The following CCDC146 variants were observed in gnomAD, a reference collection of about 807,000 sequenced individuals.
The protein encoded by CCDC146 is coiled-coil domain-containing protein 146.
In CCDC146, 92 loss-of-function variants were observed where a neutral mutation model predicts 119.3. The observed-to-expected ratio is 0.77, with a 90% CI of 0.65 to 0.92. The LOEUF is 0.92. Ranked by LOEUF, CCDC146 falls within the 40% of genes least tolerant of loss-of-function variation. The probability of loss-of-function intolerance (pLI) is 0.00; values close to 1 mark genes in which losing one functional copy is unlikely to be tolerated. For synonymous variants in CCDC146, 372 were observed against 371.8 expected, an observed-to-expected ratio of 1.00 and a Z score of -0.01; for missense variants, 1,000 against 1,103.0, an observed-to-expected ratio of 0.91 and a Z score of 1.32.
intron 7 of CCDC146, 182 bp from the exon 8 acceptor site, chr7:77,259,827 C>A: frequency 1.8e-6 from 1 of 543,748 alleles, no homozygotes; most frequent in Non-Finnish European, 3.2e-6. Flanking sequence ...CCAAGTCCCA[C>A]CCATCTGTGG....
chr7:77,190,880 A>G (rs757457439), intron 2 of CCDC146, among the ~76,000 whole-genome samples: 19 of 152,332 alleles, frequency 1.2e-4, no homozygotes, highest in Non-Finnish European at 2.4e-4. Context: ...TTAAAAAATT[A>G]AAGGATTCAT....
intron 3 of CCDC146, among the ~76,000 whole-genome samples, chr7:77,239,823 G>A (rs1792810551): frequency 6.6e-6 from 1 of 152,114 alleles, no homozygotes. Flanking sequence ...TGGAGATTCC[G>A]CCATGTCCTT....
chr7:77,266,006 A>G (rs1383525795), intron 9 of CCDC146, among the ~76,000 whole-genome samples: 2 of 152,214 alleles, frequency 1.3e-5, no homozygotes, highest in Non-Finnish European at 2.9e-5. Flanking sequence ...CTGTCATGTA[A>G]TATCACACAT....
In CCDC146 at chr7:77,151,357, G is replaced by T. The variant is rs192199363; in HGVS notation, c.-11-16301G>T. Reference sequence around the variant, plus strand: ...AATTCTAGAAAAGGCAAAACTACTGGTGGTTATCATGTGCCAGTGAGCGAG... The same window carrying T: ...AATTCTAGAAAAGGCAAAACTACTGTTGGTTATCATGTGCCAGTGAGCGAG... On this transcript the variant is annotated intron_variant, in intron 1 of 18. Transcript: ENST00000285871. Among the ~76,000 whole-genome samples the T allele has an allele frequency of 6.6e-5, 10 of 152,162 alleles. No individual in the cohort carries two copies. The East Asian group carries it at 1.9e-3, about 29-fold the overall frequency.
chr7:77,216,018 CT>C (rs975032853), intron 2 of CCDC146, among the ~76,000 whole-genome samples: 1 of 152,000 alleles, frequency 6.6e-6, no homozygotes, highest in Non-Finnish European at 1.5e-5. Flanking sequence ...TGTTTCCTCC[CT>C]TTTCCTGTAA....
Position 77,273,772 on chromosome 7 carries a change from A to G in CCDC146, c.1252A>G (p.Arg418Gly), listed in dbSNP as rs569261468. 22 of 1,610,528 alleles carry G rather than the reference A, an allele frequency of 1.4e-5. No individual in the cohort carries two copies. In the African/African-American group the frequency reaches 2.0e-4, roughly 15 times the overall value. ...TCACAAGGAAGTTGAAGTAGCTAAG[A>G]GGAATTTGGCCCAACAGGTTAATAT... Reference protein sequence around the residue: ...ELHKEVEVAKRNLAQQKIISE... With the variant: ...ELHKEVEVAKGNLAQQKIISE... Residue 418 changes from arginine (R) to glycine (G), a missense_variant, in exon 10 of 19, where the codon AGG becomes GGG. This residue lies in a region of CCDC146 where 985 missense variants were observed against 1,045.3 expected (regional missense o/e 0.94). Transcript: ENST00000285871.
chr7:77,250,172 A>T lies in CCDC146; in HGVS notation c.450-4334A>T, dbSNP rs1181174501. Among the ~76,000 whole-genome samples the T allele has an allele frequency of 2.6e-5, 4 of 152,366 alleles. No homozygotes were observed. The East Asian group carries it at 7.7e-4, about 29-fold the overall frequency. On this transcript the variant is annotated intron_variant, in intron 4 of 18. Coordinates refer to ENST00000285871, the MANE Select transcript of CCDC146 (RefSeq NM_020879.3). ...TGGGCATACATAAATATATATGCATATGTAATTGAATACATTGCTGCTGTT... is the reference window on the plus strand; with the variant it reads ...TGGGCATACATAAATATATATGCATTTGTAATTGAATACATTGCTGCTGTT...
chr7:77,250,518 A>G (rs779034891), intron 4 of CCDC146, among the ~76,000 whole-genome samples: 6 of 152,190 alleles, frequency 3.9e-5, no homozygotes, highest in African/African-American at 1.2e-4. Flanking sequence ...TCTTGCATGT[A>G]TGGCTTCTGA....
Position 77,134,352 on chromosome 7 carries a change from CAGTT to C in CCDC146, c.-12+11623_-12+11626del, listed in dbSNP as rs151209592. ...AGAAAATTGAATCATATAAAATGCTCAGTTAGAACCACAAAACAGAAAAAGAGTG... is the reference window on the plus strand; with the variant it reads ...AGAAAATTGAATCATATAAAATGCTCAGAACCACAAAACAGAAAAAGAGTG... On this transcript the variant is annotated intron_variant, in intron 1 of 18. Transcript: ENST00000285871. Among the ~76,000 whole-genome samples the C allele has an allele frequency of 7.1e-3, 1,076 of 152,014 alleles. 55 individuals carry two copies. In the East Asian group the frequency reaches 0.14, roughly 20 times the overall value.
At chr7:77,138,738 A>G (rs1310645752) in intron 1 of CCDC146, among the ~76,000 whole-genome samples, 1 of 152,250 alleles carries the variant, frequency 6.6e-6, no homozygotes, top group Non-Finnish European at 1.5e-5. Context: ...TCACCAAAGA[A>G]GATATACAAA....
intron 2 of CCDC146, among the ~76,000 whole-genome samples, chr7:77,214,032 A>G (rs1237249445): frequency 6.6e-6 from 1 of 152,128 alleles, no homozygotes; most frequent in Non-Finnish European, 1.5e-5. Context: ...TTCTTTGAAA[A>G]ATTTCCATGC....
Position 77,293,435 on chromosome 7 carries a change from A to C in CCDC146, c.2664+235A>C, listed in dbSNP as rs140299765. Among the ~76,000 whole-genome samples, 210 of 152,352 alleles carry C rather than the reference A, an allele frequency of 1.4e-3. 1 individual carries two copies. The highest frequency in any genetic ancestry group is 4.7e-3 in the African/African-American group (197 of 41,588). ...AGCACAGGGCCCACCCCATAGCCTTACATCCTGGGCTGCTGAGGCTGAACA... is the reference window on the plus strand; with the variant it reads ...AGCACAGGGCCCACCCCATAGCCTTCCATCCTGGGCTGCTGAGGCTGAACA... On this transcript the variant is annotated intron_variant, in intron 18 of 18. Coordinates refer to ENST00000285871, the MANE Select transcript of CCDC146 (RefSeq NM_020879.3).
chr7:77,192,022 G>A (rs1265805826), intron 2 of CCDC146, among the ~76,000 whole-genome samples: 1 of 151,702 alleles, frequency 6.6e-6, no homozygotes, highest in African/African-American at 2.4e-5. Flanking sequence ...TGTCTGCCAG[G>A]TTCAAGCAAT....
chr7:77,284,438 G>T (rs559926613), intron 15 of CCDC146, among the ~76,000 whole-genome samples: 2 of 151,666 alleles, frequency 1.3e-5, no homozygotes, highest in Non-Finnish European at 2.9e-5. Flanking sequence ...AGAAGAATTT[G>T]TCTCTCTCCA....
intron 2 of CCDC146, among the ~76,000 whole-genome samples, chr7:77,201,324 C>T (rs1791983275): frequency 6.6e-6 from 1 of 151,644 alleles, no homozygotes; most frequent in African/African-American, 2.4e-5. Flanking sequence ...TGTGGATCAC[C>T]TGAGATCAGG....
chr7:77,245,756 T>C (rs773893075), intron 4 of CCDC146, among the ~76,000 whole-genome samples: 3 of 152,002 alleles, frequency 2.0e-5, no homozygotes, highest in Admixed American at 6.6e-5. Flanking sequence ...GGAGGAATGA[T>C]CTTAGCAACA....
intron 1 of CCDC146, among the ~76,000 whole-genome samples, chr7:77,134,898 G>C (rs1411672338): frequency 1.3e-5 from 2 of 152,156 alleles, no homozygotes; most frequent in African/African-American, 4.8e-5. Flanking sequence ...AATTCATAAA[G>C]TATGTGATAA....
intron 1 of CCDC146, 109 bp downstream of exon 1, chr7:77,122,841 G>A (rs1408547175): frequency 6.5e-6 from 1 of 153,426 alleles, no homozygotes; most frequent in African/African-American, 2.4e-5. Context: ...TCCAGGGCAT[G>A]GAGAATGCCT....
intron 2 of CCDC146, chr7:77,199,467 T>C: frequency 6.2e-7 from 1 of 1,614,152 alleles, no homozygotes; most frequent in Admixed American, 1.7e-5. Flanking sequence ...CGTTTCTGCC[T>C]GGGTCTCCGT....
Sources: gnomAD v4.1 joint callset for allele counts (sites outside exome capture counted in the v4.1 genomes callset) on GRCh38, gnomAD v4.1.1 for gene constraint, gnomAD v4.1.1 regional missense constraint, MANE v1.5 for transcripts, NCBI Gene and HGNC (gene_info 2026-07-23, HGNC 2026-07-21) for gene names.